C6orf52: variants seen among roughly 807,000 people sequenced by gnomAD.
C6orf52 encodes the protein putative uncharacterized protein C6orf52.
C6orf52 carries 16 observed loss-of-function variants against 16.6 expected under a neutral mutation model. That is an observed-to-expected ratio of 0.96 (90% CI 0.65 to 1.46). C6orf52 has a LOEUF of 1.46. Ranked by LOEUF, C6orf52 falls within the 40% of genes most tolerant of loss-of-function variation. The pLI is 0.00. For synonymous variants in C6orf52, 53 were observed against 61.4 expected (o/e 0.86, Z 0.64); for missense variants, 166 against 182.3 (o/e 0.91, Z 0.52).
At chr6:10,680,743 A>C (rs1003552333) in intron 4 of C6orf52, among the ~76,000 whole-genome samples, 1 of 152,140 alleles carries the variant, frequency 6.6e-6, no homozygotes, top group African/African-American at 2.4e-5. Flanking sequence ...AATAAAATAA[A>C]ATGAAAAATA....
At chr6:10,685,887 T>A (rs1768833998) in intron 3 of C6orf52, among the ~76,000 whole-genome samples, 1 of 152,214 alleles carries the variant, frequency 6.6e-6, no homozygotes, top group Non-Finnish European at 1.5e-5. Flanking sequence ...GCTATTAAAA[T>A]TTTTTAATGT....
intron 1 of C6orf52, among the ~76,000 whole-genome samples, chr6:10,691,740 T>C (rs12665162): frequency 0.016 from 2,445 of 152,266 alleles, 50 homozygotes; most frequent in African/African-American, 0.045. Flanking sequence ...CCCTGAAATT[T>C]ATCCAGGAAC....
intron 1 of C6orf52, among the ~76,000 whole-genome samples, 166 bp from the exon 2 acceptor site, chr6:10,687,727 C>CG (rs1403580664): frequency 6.6e-6 from 1 of 150,386 alleles, no homozygotes; most frequent in Non-Finnish European, 1.5e-5. Context: ...TTCCTGACAA[C>CG]GGGGCAAAGG....
chr6:10,686,642 A>G (rs1221528372), intron 3 of C6orf52, among the ~76,000 whole-genome samples: 8 of 152,238 alleles, frequency 5.3e-5, no homozygotes, highest in Admixed American at 4.6e-4. Flanking sequence ...AGAATTTAGA[A>G]AAAGACTTCA....
In C6orf52 at chr6:10,687,125, G is replaced by A. The variant is rs1581558171; in HGVS notation, c.111C>T (p.Pro37=). 6.4e-7 allele frequency: 1 copy of A among 1,551,614 alleles called. No homozygotes were observed. Among genetic ancestry groups the A allele is most frequent in the Admixed American group, 2.0e-5 (1 of 50,934 alleles). ...AGTTGCCATAGCGGTAACTCTGGCT[G>A]GGCTGGAACTCCTGCTTCACTCTAA... ...SAIRVKQEFQ[P]SQSYRYGNWY... The change falls in exon 3 of 5, where the codon CCC becomes CCT. Residue 37 remains proline (P), a synonymous_variant. Coordinates refer to ENST00000259983, the MANE Select transcript of C6orf52 (RefSeq NM_001145020.3).
At chr6:10,676,754 T>G (rs1767926204) in intron 4 of C6orf52, among the ~76,000 whole-genome samples, 2 of 152,192 alleles carry the variant, frequency 1.3e-5, no homozygotes, top group Admixed American at 6.5e-5. Flanking sequence ...ACAGGCCTAC[T>G]TTTCCTTTTC....
At chr6:10,688,585 A>C (rs140248517) in intron 1 of C6orf52, among the ~76,000 whole-genome samples, 149 of 152,318 alleles carry the variant, frequency 9.8e-4, no homozygotes, top group Admixed American at 5.9e-3. Flanking sequence ...GAGATTGTTT[A>C]CAGGATCCCC....
chr6:10,690,069 G>A (rs565400905), intron 1 of C6orf52, among the ~76,000 whole-genome samples: 169 of 152,304 alleles, frequency 1.1e-3, no homozygotes, highest in Non-Finnish European at 1.8e-3. Context: ...GGAAAGCAAC[G>A]TGGAAGTTGA....
At chr6:10,690,301 C>A (rs530044052) in intron 1 of C6orf52, among the ~76,000 whole-genome samples, 7 of 152,288 alleles carry the variant, frequency 4.6e-5, no homozygotes, top group African/African-American at 1.7e-4. Context: ...AACTAGATTA[C>A]TCCCATGAAT....
intron 3 of C6orf52, among the ~76,000 whole-genome samples, chr6:10,684,447 G>A (rs1287371935): frequency 6.6e-6 from 1 of 152,236 alleles, no homozygotes; most frequent in East Asian, 1.9e-4. Context: ...GGTAAATGTG[G>A]ATGCTAAATA....
rs1194585303 is a variant in C6orf52 at position 10,683,199 on chromosome 6, C to G, written c.304G>C (p.Asp102His). The G allele has an allele frequency of 6.5e-7, 1 of 1,546,364 alleles. No individual in the cohort carries two copies. Among genetic ancestry groups the G allele is most frequent in the African/African-American group, 1.4e-5 (1 of 72,800 alleles). The change falls in exon 4 of 5, where the codon GAC becomes CAC. Residue 102 changes from aspartate (D) to histidine (H), a missense_variant. By Grantham distance (81) the Asp-to-His change is moderately conservative (BLOSUM62 -1). Coordinates refer to ENST00000259983, the MANE Select transcript of C6orf52 (RefSeq NM_001145020.3). ...AGGTTTATGTTACCTTCTAGTGGGT[C>G]TTCATCTTGGTTTTCAGCTAGAGGT... ...TTPLAENQDE[D>H]PLEDPHLHLN... is the part of the protein sequence containing the mutation.
chr6:10,681,223 T>C (rs536406703), intron 4 of C6orf52, among the ~76,000 whole-genome samples: 1 of 152,344 alleles, frequency 6.6e-6, no homozygotes, highest in South Asian at 2.1e-4. Flanking sequence ...TTTACTCATT[T>C]CTTCTATGTT....
chr6:10,694,600 GCA>G lies in C6orf52; in HGVS notation c.-120_-119del. ...ACGCTGCCGGCGCTACAGCCCCTAA[GCA>G]ACCGGCCGGAAGTCGGCCCCACCTC... On this transcript the variant is annotated 5_prime_UTR_variant, in exon 1 of 5. Coordinates refer to ENST00000259983, the MANE Select transcript of C6orf52 (RefSeq NM_001145020.3). 4 of 173,900 alleles carry G rather than the reference GCA, an allele frequency of 2.3e-5. No homozygotes were observed. The highest frequency in any genetic ancestry group is 2.3e-4 in the South Asian group (2 of 8,590). The allele number at this position is 173,900 out of a possible 1,614,324, so 10.8% of individuals were successfully genotyped here.
At chr6:10,684,775 G>T in intron 3 of C6orf52, 3 of 879,280 alleles carry the variant, frequency 3.4e-6, no homozygotes, top group Non-Finnish European at 4.9e-6. Flanking sequence ...AGGACATCTT[G>T]GCAAGGACAC....
At chr6:10,679,225 A>G (rs1281864053) in intron 4 of C6orf52, among the ~76,000 whole-genome samples, 2 of 152,154 alleles carry the variant, frequency 1.3e-5, no homozygotes, top group African/African-American at 4.8e-5. Flanking sequence ...GGATCACCTG[A>G]GGCCAGGAGT....
chr6:10,690,872 A>T (rs187489170), intron 1 of C6orf52, among the ~76,000 whole-genome samples: 1 of 152,236 alleles, frequency 6.6e-6, no homozygotes, highest in Non-Finnish European at 1.5e-5. Flanking sequence ...GAGGATTTAC[A>T]GGAAGTTATG....
chr6:10,677,045 G>A (rs1251931529), intron 4 of C6orf52, among the ~76,000 whole-genome samples: 1 of 151,962 alleles, frequency 6.6e-6, no homozygotes, highest in Non-Finnish European at 1.5e-5. Context: ...CTATTTTTGC[G>A]TTTGCTGCCT....
intron 3 of C6orf52, chr6:10,684,947 T>C: frequency 1.6e-6 from 2 of 1,221,658 alleles, no homozygotes; most frequent in South Asian, 2.7e-5. Flanking sequence ...AGATAACATA[T>C]TTATATAATT....
chr6:10,689,219 C>T (rs1581562107), intron 1 of C6orf52, among the ~76,000 whole-genome samples: 1 of 152,242 alleles, frequency 6.6e-6, no homozygotes, highest in Non-Finnish European at 1.5e-5. Context: ...GATCCGCTCG[C>T]CTTAGCCTCC....
Sources: gnomAD v4.1 joint callset for allele counts (sites outside exome capture counted in the v4.1 genomes callset) on GRCh38, gnomAD v4.1.1 for gene constraint, MANE v1.5 for transcripts, NCBI Gene and HGNC (gene_info 2026-07-23, HGNC 2026-07-21) for gene names.